Variants in RALGPS1 observed in about 807,000 individuals in gnomAD.
The protein encoded by RALGPS1 is Ral GEF with PH domain and SH3 binding motif 1.
Under a neutral mutation model 78.8 loss-of-function variants are expected in RALGPS1, and 19 were observed. The ratio of observed to expected loss-of-function variants is 0.24; its 90% CI spans 0.17 to 0.35. The LOEUF is 0.35. Among genes scored for constraint, RALGPS1 ranks in the 10% least tolerant of loss-of-function variants. The probability of loss-of-function intolerance (pLI) is 1.00; values close to 1 mark genes in which losing one functional copy is unlikely to be tolerated. For synonymous variants in RALGPS1, 228 were observed against 256.3 expected (o/e 0.89, Z 1.06); for missense variants, 454 against 688.3 (o/e 0.66, Z 3.81).
chr9:127,136,544 C>T (rs1426497940), intron 8 of RALGPS1, among the ~76,000 whole-genome samples: 1 of 151,822 alleles, frequency 6.6e-6, no homozygotes, highest in Non-Finnish European at 1.5e-5. Context: ...TCTTCAGCCT[C>T]TCTGAGCCTC....
rs569464170 is a variant in RALGPS1, at chr9:127,035,319, G to A, written c.300+805G>A. 1.1e-4 allele frequency among the ~76,000 whole-genome samples: 17 copies of A among 152,278 alleles called. No individual in the cohort carries two copies. In the South Asian group the frequency reaches 2.9e-3, roughly 26 times the overall value. ...ACTTTAAACTGACTTGGTCCAACAAGAACCTGTGCTCCAGGTATGAAGATC... is the reference window on the plus strand; with the variant it reads ...ACTTTAAACTGACTTGGTCCAACAAAAACCTGTGCTCCAGGTATGAAGATC... On this transcript the variant is annotated intron_variant, in intron 5 of 18. Coordinates refer to ENST00000259351, the MANE Select transcript of RALGPS1 (RefSeq NM_014636.3).
chr9:127,029,314 C>G (rs2046223170), intron 4 of RALGPS1, among the ~76,000 whole-genome samples: 1 of 152,212 alleles, frequency 6.6e-6, no homozygotes, highest in African/African-American at 2.4e-5. Flanking sequence ...GTCTCCCTGA[C>G]TGCCTTACTG....
At chr9:127,089,895 C>T (rs1471644269) in intron 8 of RALGPS1, among the ~76,000 whole-genome samples, 3 of 152,176 alleles carry the variant, frequency 2.0e-5, no homozygotes, top group Admixed American at 6.5e-5. Flanking sequence ...GGGGGGTCCC[C>T]ACTTTCCTGA....
intron 1 of RALGPS1, among the ~76,000 whole-genome samples, chr9:126,947,455 G>A (rs1238896384): frequency 3.9e-5 from 6 of 152,134 alleles, no homozygotes; most frequent in African/African-American, 1.4e-4. Flanking sequence ...ATGCTCAGCT[G>A]GTAAGATAAT....
At chr9:127,181,692 C>T (rs1226901983) in intron 11 of RALGPS1, among the ~76,000 whole-genome samples, 1 of 152,148 alleles carries the variant, frequency 6.6e-6, no homozygotes, top group Non-Finnish European at 1.5e-5. Flanking sequence ...GGCCTGGCTG[C>T]TTGTGGCAAG....
At chr9:126,960,218 T>TA (rs1564310425) in intron 1 of RALGPS1, among the ~76,000 whole-genome samples, 2 of 53,740 alleles carry the variant, frequency 3.7e-5, no homozygotes, top group East Asian at 1.6e-3. Flanking sequence ...CCTCCCTCCC[T>TA]CCCTTCCTTC....
At chr9:127,158,939 G>A (rs2058854850) in intron 8 of RALGPS1, among the ~76,000 whole-genome samples, 3 of 151,774 alleles carry the variant, frequency 2.0e-5, no homozygotes. Flanking sequence ...TGCTCCAGAT[G>A]CCCCGAAGCC....
chr9:127,052,693 A>G (rs113317686), intron 6 of RALGPS1, among the ~76,000 whole-genome samples, 154 bp from the exon 7 acceptor site: 9 of 152,378 alleles, frequency 5.9e-5, no homozygotes, highest in African/African-American at 2.2e-4. Context: ...AAAAAAGCAT[A>G]TGGTTTCTAT....
chr9:126,916,382 T>A (rs1331734808), intron 1 of RALGPS1, among the ~76,000 whole-genome samples: 1 of 152,162 alleles, frequency 6.6e-6, no homozygotes, highest in Non-Finnish European at 1.5e-5. Context: ...TTTGCTGACC[T>A]TTAGACCCCA....
In RALGPS1 at chr9:126,977,765, A is replaced by T. The variant is rs369876989; in HGVS notation, c.216+20A>T. Reference sequence around the variant, plus strand: ...CCGGAGGTCTGTACTTTGTCTTTCTACTCTTCTATTCATGCTGTGGGTGGG... The same window carrying T: ...CCGGAGGTCTGTACTTTGTCTTTCTTCTCTTCTATTCATGCTGTGGGTGGG... On this transcript the variant is annotated intron_variant, in intron 4 of 18. Coordinates refer to ENST00000259351, the MANE Select transcript of RALGPS1 (RefSeq NM_014636.3). The T allele has an allele frequency of 1.2e-5, 19 of 1,564,888 alleles. No individual in the cohort carries two copies. The highest frequency in any genetic ancestry group is 3.3e-4 in the Middle Eastern group (2 of 5,984).
In RALGPS1 at chr9:127,168,731, C is replaced by G; in HGVS notation, c.801C>G (p.Tyr267Ter). 1 of 1,613,828 alleles carries G rather than the reference C, an allele frequency of 6.2e-7. No individual in the cohort carries two copies. Among genetic ancestry groups the G allele is most frequent in the Non-Finnish European group, 8.5e-7 (1 of 1,179,678 alleles). The part of the protein sequence containing the change: ...HVQKYLKSVR[Y>*]IEELQKFVED... ...AGAAGTACCTGAAGTCCGTACGCTA[C>G]ATTGAAGAGCTCCAGAAGTTTGTGG... Residue 267 changes from tyrosine (Y) to a stop codon, truncating the protein, a stop_gained, in exon 10 of 19, where the codon TAC becomes TAG. Coordinates refer to ENST00000259351, the MANE Select transcript of RALGPS1 (RefSeq NM_014636.3). LOFTEE classifies it high-confidence loss of function.
intron 5 of RALGPS1, among the ~76,000 whole-genome samples, chr9:127,034,750 A>G (rs900989335): frequency 6.6e-6 from 1 of 152,144 alleles, no homozygotes; most frequent in African/African-American, 2.4e-5. Context: ...TTCCAGTTTC[A>G]CTTAAGCTAA....
At chr9:127,167,327 C>T (rs1450614525) in intron 9 of RALGPS1, among the ~76,000 whole-genome samples, 1 of 152,200 alleles carries the variant, frequency 6.6e-6, no homozygotes, top group Non-Finnish European at 1.5e-5. Context: ...TAGGAGGCAC[C>T]TGTATTCCCA....
At chr9:127,019,246 C>T (rs1456856839) in intron 4 of RALGPS1, among the ~76,000 whole-genome samples, 1 of 152,170 alleles carries the variant, frequency 6.6e-6, no homozygotes, top group Non-Finnish European at 1.5e-5. Context: ...AGATAAGAAA[C>T]TTAGATGAGA....
chr9:126,920,944 A>G (rs1007056501), intron 1 of RALGPS1, among the ~76,000 whole-genome samples: 2 of 152,240 alleles, frequency 1.3e-5, no homozygotes, highest in African/African-American at 4.8e-5. Flanking sequence ...GACCATGGGC[A>G]GGTGTCTTCC....
At chr9:127,110,407 C>T (rs905661940) in intron 8 of RALGPS1, among the ~76,000 whole-genome samples, 2 of 152,214 alleles carry the variant, frequency 1.3e-5, no homozygotes, top group African/African-American at 2.4e-5. Flanking sequence ...CCTCATATTC[C>T]TGTCCTTTCT....
At chr9:127,093,834 G>T in intron 8 of RALGPS1, 2 of 1,614,154 alleles carry the variant, frequency 1.2e-6, no homozygotes, top group Non-Finnish European at 1.7e-6. Context: ...CACCACACCT[G>T]CATGAGGCGG....
At chr9:127,058,325 T>A (rs903569261) in intron 7 of RALGPS1, among the ~76,000 whole-genome samples, 2 of 152,224 alleles carry the variant, frequency 1.3e-5, no homozygotes, top group Non-Finnish European at 2.9e-5. Context: ...GCGGACACAA[T>A]CTGGCTTCCA....
chr9:127,059,203 T>C (rs2048996314), intron 7 of RALGPS1, among the ~76,000 whole-genome samples: 1 of 152,126 alleles, frequency 6.6e-6, no homozygotes, highest in Non-Finnish European at 1.5e-5. Flanking sequence ...ATGCAGTGCC[T>C]CAGTAGCCAC....
Sources: allele counts gnomAD v4.1 joint callset (sites outside exome capture counted in the v4.1 genomes callset), GRCh38; gene constraint gnomAD v4.1.1; transcripts MANE v1.5; gene names NCBI Gene and HGNC (gene_info 2026-07-23, HGNC 2026-07-21).